Variants in XIST observed in about 807,000 individuals in gnomAD.
XIST encodes the protein X inactive specific transcript.
At chrX:73,848,237 A>G (rs754764195) in exon 1 of XIST, 2 of 556,619 alleles carry the variant, frequency 3.6e-6, no homozygotes, top group Non-Finnish European at 3.2e-6. Context: ...GACAAAAGGA[A>G]TATGAGGGGA....
intron 1 of XIST, among the ~76,000 whole-genome samples, chrX:73,840,788 C>T (rs1425949843): frequency 6.3e-5 from 7 of 111,641 alleles, no homozygotes; most frequent in African/African-American, 2.3e-4. Flanking sequence ...TGCCAACCTT[C>T]GCAAATAGCC....
exon 1 of XIST, chrX:73,851,196 C>A: frequency 1.8e-6 from 1 of 559,471 alleles, no homozygotes. Flanking sequence ...TGGCACTAGG[C>A]GGCAAAACCC....
At chrX:73,824,493 T>A (rs958908528) in exon 6 of XIST, 8 of 556,137 alleles carry the variant, frequency 1.4e-5, no homozygotes, top group Non-Finnish European at 2.6e-5. Context: ...CCTTTAACAG[T>A]GAGTTCACAT....
At chrX:73,832,757 C>T (rs968608127) in intron 3 of XIST, among the ~76,000 whole-genome samples, 2 of 111,543 alleles carry the variant, frequency 1.8e-5, no homozygotes, top group African/African-American at 3.3e-5. Context: ...CTTGCCCTTA[C>T]AGACCTCACT....
chrX:73,823,198 C>T, exon 6 of XIST: 1 of 546,103 alleles, frequency 1.8e-6, no homozygotes, highest in Non-Finnish European at 3.3e-6. Context: ...AACCCTGAGC[C>T]CTTTTATCAG....
intron 3 of XIST, among the ~76,000 whole-genome samples, chrX:73,832,073 G>A (rs1045235727): frequency 5.3e-5 from 6 of 112,179 alleles, no homozygotes; most frequent in Non-Finnish European, 9.4e-5. Context: ...GGTGGCTCAC[G>A]CCTGTAATCC....
intron 2 of XIST, chrX:73,837,343 A>T (rs1240311805): frequency 2.5e-6 from 1 of 399,834 alleles, no homozygotes; most frequent in Non-Finnish European, 4.3e-6. Flanking sequence ...AACATCAGAC[A>T]AATTCCAATA....
intron 4 of XIST, among the ~76,000 whole-genome samples, chrX:73,830,436 A>G (rs56046107): frequency 0.043 from 4,819 of 112,049 alleles, 98 homozygotes; most frequent in Middle Eastern, 0.06. Flanking sequence ...ATTGCACCGA[A>G]TGGTCACCTT....
At chrX:73,845,686 C>G (rs189978817) in exon 1 of XIST, 1 of 552,866 alleles carries the variant, frequency 1.8e-6, no homozygotes, top group South Asian at 2.2e-5. Context: ...TGTGCAGTTA[C>G]GCACATTAAT....
chrX:73,842,260 G>A (rs767376568), exon 1 of XIST: 19 of 539,860 alleles, frequency 3.5e-5, no homozygotes, highest in Non-Finnish European at 5.3e-5. Flanking sequence ...GGGACAACAA[G>A]AGATTCTTAA....
chrX:73,841,540 T>A (rs749681802), exon 1 of XIST: 11 of 558,731 alleles, frequency 2.0e-5, no homozygotes, highest in Non-Finnish European at 3.6e-5. Context: ...ACTAGTTATT[T>A]GCTTGAGCAG....
chrX:73,820,969 C>T, exon 6 of XIST: 1 of 558,749 alleles, frequency 1.8e-6, no homozygotes, highest in Non-Finnish European at 3.2e-6. Flanking sequence ...GTGAATAAAG[C>T]AGATGATGAT....
chrX:73,828,885 T>C (rs1003591251), intron 5 of XIST: 3 of 380,999 alleles, frequency 7.9e-6, no homozygotes, highest in African/African-American at 2.5e-5. Flanking sequence ...AAGAAGACCA[T>C]AATGTCTTTG....
At chrX:73,851,343 G>A (rs759678484) in exon 1 of XIST, 3 of 557,619 alleles carry the variant, frequency 5.4e-6, no homozygotes, top group Admixed American at 2.2e-5. Flanking sequence ...AAAGAGGCCC[G>A]CCATGTTTTA....
exon 6 of XIST, chrX:73,825,015 A>G (rs1922217092): frequency 1.9e-6 from 1 of 515,288 alleles, no homozygotes; most frequent in Non-Finnish European, 3.5e-6. Flanking sequence ...GCCCATTGAC[A>G]TTTGTATCAT....
At chrX:73,824,792 T>G (rs1448600243) in exon 6 of XIST, 7 of 557,189 alleles carry the variant, frequency 1.3e-5, no homozygotes, top group Non-Finnish European at 2.3e-5. Context: ...CCTGGAAAAA[T>G]GTATCAGTAA....
At chrX:73,824,661 A>C (rs1311795932) in exon 6 of XIST, 1 of 555,767 alleles carries the variant, frequency 1.8e-6, no homozygotes, top group Non-Finnish European at 3.2e-6. Flanking sequence ...GAAAGCATCA[A>C]ATTTTTCATT....
exon 1 of XIST, chrX:73,841,797 A>T (rs965710283): frequency 4.1e-6 from 2 of 493,316 alleles, no homozygotes; most frequent in African/African-American, 4.7e-5. Flanking sequence ...AATAATTAAT[A>T]AAAAAGGTGG....
chrX:73,834,993 C>CAAA (rs60685637), intron 2 of XIST, among the ~76,000 whole-genome samples: 3,763 of 75,556 alleles, frequency 0.05, 231 homozygotes, highest in African/African-American at 0.16. Context: ...AACTCCGTCT[C>CAAA]AAAAAAAAAA....
Sources: allele counts gnomAD v4.1 joint callset (sites outside exome capture counted in the v4.1 genomes callset), GRCh38; gene constraint gnomAD v4.1.1; transcripts MANE v1.5; gene names NCBI Gene and HGNC (gene_info 2026-07-23, HGNC 2026-07-21).